Variants in TMC3 observed in about 807,000 individuals in gnomAD.
TMC3 encodes the protein transmembrane channel-like protein 3.
In TMC3, 98 loss-of-function variants were observed where a neutral mutation model predicts 110.6. The ratio of observed to expected loss-of-function variants is 0.89; its 90% CI spans 0.75 to 1.05. The LOEUF (loss-of-function observed/expected upper bound fraction) is 1.05, where lower values mean the gene tolerates loss of function less well. TMC3 is among the 50% of genes least tolerant of loss of function. The pLI is 0.00. For missense variants in TMC3, 1,319 were observed against 1,373.2 expected, an observed-to-expected ratio of 0.96 and a Z score of 0.62; for synonymous variants, 489 against 513.1, an observed-to-expected ratio of 0.95 and a Z score of 0.63.
intron 21 of TMC3, among the ~76,000 whole-genome samples, chr15:81,334,187 C>A (rs902897021): frequency 3.3e-5 from 5 of 151,974 alleles, no homozygotes; most frequent in Non-Finnish European, 5.9e-5. Flanking sequence ...AAAGAGAGCC[C>A]CTGTATTTTA....
chr15:81,338,698 T>C lies in TMC3; in HGVS notation c.2038A>G (p.Ile680Val). The C allele has an allele frequency of 1.2e-6, 2 of 1,614,044 alleles. No individual in the cohort carries two copies. The highest frequency in any genetic ancestry group is 1.1e-5 in the South Asian group (1 of 91,084). Reference sequence around the variant, plus strand: ...GGCAGGATGACCACGGGGCTACTGATGTGTCCAACCACGGAGCCAAACCAC... The same window carrying C: ...GGCAGGATGACCACGGGGCTACTGACGTGTCCAACCACGGAGCCAAACCAC... ...PVWFGSVVGH[I>V]SSPVVILPAV... Residue 680 changes from isoleucine (I) to valine (V), a missense_variant, in exon 18 of 22, where the codon ATC (isoleucine) becomes GTC (valine). Transcript: ENST00000359440.
At chr15:81,341,258 G>T in intron 16 of TMC3, 132 bp downstream of exon 16, 2 of 930,906 alleles carry the variant, frequency 2.1e-6, no homozygotes, top group Non-Finnish European at 3.0e-6. Flanking sequence ...AGACAAAATT[G>T]GAGGACAGGC....
At chr15:81,350,321 G>A (rs1893920490) in intron 10 of TMC3, among the ~76,000 whole-genome samples, 1 of 152,180 alleles carries the variant, frequency 6.6e-6, no homozygotes, top group Non-Finnish European at 1.5e-5. Context: ...ACCTTGGATG[G>A]AAGATGGAAA....
rs1282528063 is a variant in TMC3 at position 81,358,512 on chromosome 15, A to G, written c.502-12T>C. 2 of 1,600,286 alleles carry G rather than the reference A, an allele frequency of 1.2e-6. No homozygotes were observed. Among genetic ancestry groups the G allele is most frequent in the Admixed American group, 1.7e-5 (1 of 57,534 alleles). ...TGGCCTGCAATCAGCTGGTGAGAGA[A>G]GAAAGCATGTCATGTGGTCCTCTGG... On this transcript the variant is annotated splice_polypyrimidine_tract_variant and intron_variant, in intron 5 of 21. Transcript: ENST00000359440.
At chr15:81,338,837 C>T (rs1893652809) in intron 17 of TMC3, 57 bp from the exon 18 acceptor site, 1 of 1,594,818 alleles carries the variant, frequency 6.3e-7, no homozygotes, top group Non-Finnish European at 8.5e-7. Flanking sequence ...AAAGATGCTG[C>T]AAGACATCAG....
intron 7 of TMC3, 70 bp from the exon 8 acceptor site, chr15:81,356,664 G>A: frequency 6.7e-7 from 1 of 1,496,544 alleles, no homozygotes; most frequent in South Asian, 1.3e-5. Context: ...CACCCATGGA[G>A]CCTTTGTGTG....
rs750966854 is a variant in TMC3 at position 81,333,196 on chromosome 15, T to A, written c.2526A>T (p.Thr842=). ...GTACATCTTCGATGTGCGTTGTAAA[T>A]GTCATAGGTGTGCGCGATCTGTTCC... The part of the protein sequence containing the change: ...LHRNRSRTPM[T]FTTHIEDVHS... Residue 842 remains threonine, a synonymous_variant, in exon 22 of 22, where the codon ACA becomes ACT. Coordinates refer to ENST00000359440, the MANE Select transcript of TMC3 (RefSeq NM_001080532.3). 16 of 1,614,008 alleles carry A rather than the reference T, an allele frequency of 9.9e-6. No individual in the cohort carries two copies. Among genetic ancestry groups the A allele is most frequent in the Non-Finnish European group, 1.3e-5 (15 of 1,179,886 alleles).
intron 11 of TMC3, 62 bp from the exon 12 acceptor site, chr15:81,346,505 G>A (rs1699270365): frequency 1.3e-6 from 2 of 1,500,902 alleles, no homozygotes; most frequent in Non-Finnish European, 9.2e-7. Flanking sequence ...TGGTTCTAGA[G>A]CCCCCACATG....
rs1423040825 is a variant in TMC3, at chr15:81,332,518, G to C, written c.3204C>G (p.Gly1068=). Residue 1068 remains glycine (G), a synonymous_variant, in exon 22 of 22, where the codon GGC becomes GGG. Coordinates refer to ENST00000359440, the MANE Select transcript of TMC3 (RefSeq NM_001080532.3). The part of the protein sequence containing the change: ...DQYLQVTHSQ[G]RFPRSVGQPS... ...GCTGGCCCACGGACCTCGGGAACCT[G>C]CCCTGGCTGTGGGTGACCTGCAGGT... The C allele has an allele frequency of 6.2e-7, 1 of 1,613,728 alleles. No homozygotes were observed.
intron 16 of TMC3, 93 bp downstream of exon 16, chr15:81,341,297 G>A (rs1037249852): frequency 7.4e-7 from 1 of 1,348,856 alleles, no homozygotes; most frequent in African/African-American, 1.5e-5. Context: ...GAGTTGGGGG[G>A]ACCCTTTGCT....
At chr15:81,340,218 G>GTC (rs1328880414) in intron 16 of TMC3, among the ~76,000 whole-genome samples, 9 of 123,270 alleles carry the variant, frequency 7.3e-5, no homozygotes, top group African/African-American at 2.9e-4. Flanking sequence ...GTCTCTCTCT[G>GTC]TCTCTGTCTC....
intron 12 of TMC3, among the ~76,000 whole-genome samples, chr15:81,345,843 C>T (rs1254323090): frequency 6.6e-6 from 1 of 151,760 alleles, no homozygotes; most frequent in Non-Finnish European, 1.5e-5. Context: ...TGCCACTGCA[C>T]TCCAGCCTGG....
At position 81,334,919 on chromosome 15, in the gene TMC3, T is replaced by G; in HGVS notation, c.2260A>C (p.Thr754Pro). ...TKKLPNDSDL[T>P]SQLSSAHSGT... ...GAGTGCGCTGAGGACAGCTGGCTGG[T>G]AAGATCACTGTCGTTTGGAAGCTTC... Residue 754 changes from threonine to proline, a missense_variant, in exon 21 of 22, where the codon ACC becomes CCC. Coordinates refer to ENST00000359440, the MANE Select transcript of TMC3 (RefSeq NM_001080532.3). 6.2e-7 allele frequency: 1 copy of G among 1,614,050 alleles called. No individual in the cohort carries two copies. The highest frequency in any genetic ancestry group is 8.5e-7 in the Non-Finnish European group (1 of 1,179,900).
intron 2 of TMC3, among the ~76,000 whole-genome samples, chr15:81,370,704 A>T (rs2141428538): frequency 6.8e-6 from 1 of 147,760 alleles, no homozygotes; most frequent in South Asian, 2.1e-4. Flanking sequence ...TTTGAGACAG[A>T]GTCTCTGTCA....
At chr15:81,367,387 T>G (rs1894338315) in intron 3 of TMC3, among the ~76,000 whole-genome samples, 1 of 152,202 alleles carries the variant, frequency 6.6e-6, no homozygotes, top group Non-Finnish European at 1.5e-5. Context: ...ATGCAATGAC[T>G]GATGTGAAAT....
chr15:81,333,065 C>A lies in TMC3; in HGVS notation c.2657G>T (p.Arg886Ile), dbSNP rs780335155. The A allele has an allele frequency of 6.2e-7, 1 of 1,613,992 alleles. No individual in the cohort carries two copies. The highest frequency in any genetic ancestry group is 1.1e-5 in the South Asian group (1 of 91,086). ...GTCACATTCATTAATGACATAGTAT[C>A]TGGGGGCGTGGGGCCTGGGACCCTG... ...LAQGPRPHAP[R>I]YYVINECDSY... The change falls in exon 22 of 22, where the codon AGA becomes ATA. Residue 886 changes from arginine to isoleucine, a missense_variant. Transcript: ENST00000359440.
chr15:81,348,687 T>C (rs1028691170), intron 11 of TMC3, among the ~76,000 whole-genome samples: 5 of 152,206 alleles, frequency 3.3e-5, no homozygotes, highest in African/African-American at 1.2e-4. Context: ...GCATTGACTG[T>C]TCTTCTTGCG....
chr15:81,337,315 G>C (rs959997762), intron 19 of TMC3, among the ~76,000 whole-genome samples: 1 of 152,186 alleles, frequency 6.6e-6, no homozygotes, highest in African/African-American at 2.4e-5. Context: ...GGGGTATGTG[G>C]AGGAGGAGAA....
At chr15:81,345,033 G>T (rs777620067) in intron 12 of TMC3, 22 bp from the exon 13 acceptor site, 2 of 1,554,304 alleles carry the variant, frequency 1.3e-6, no homozygotes, top group Non-Finnish European at 1.7e-6. Context: ...GAGAGAGAGA[G>T]AGAGGGAAGC....
Sources: allele counts gnomAD v4.1 joint callset (sites outside exome capture counted in the v4.1 genomes callset), GRCh38; gene constraint gnomAD v4.1.1; transcripts MANE v1.5; gene names NCBI Gene and HGNC (gene_info 2026-07-23, HGNC 2026-07-21).